Variants in USH2A observed in about 807,000 individuals in gnomAD.
USH2A encodes the protein Usher syndrome 2A (autosomal recessive, mild).
In USH2A, 443 loss-of-function variants were observed where a neutral mutation model predicts 538.9. The ratio of observed to expected loss-of-function variants is 0.82; its 90% confidence interval spans 0.76 to 0.89. The LOEUF (loss-of-function observed/expected upper bound fraction) is 0.89, where lower values mean the gene tolerates loss of function less well. Ranked by LOEUF, USH2A falls within the 40% of genes least tolerant of loss-of-function variation. The probability of loss-of-function intolerance (pLI) is 0.00; values close to 1 mark genes in which losing one functional copy is unlikely to be tolerated. For missense variants in USH2A, 6,633 were observed against 6,324.8 expected (o/e 1.05, Z -1.65); for synonymous variants, 2,413 against 2,273.5 (o/e 1.06, Z -1.75).
chr1:216,175,143 T>G, intron 21 of USH2A, 109 bp downstream of exon 21: 1 of 1,542,894 alleles, frequency 6.5e-7, no homozygotes, highest in Non-Finnish European at 8.8e-7. Context: ...GCTGAATTAG[T>G]ATTTCTCTAA....
intron 21 of USH2A, among the ~76,000 whole-genome samples, chr1:216,138,278 T>G (rs2033526345): frequency 6.6e-6 from 1 of 152,142 alleles, no homozygotes; most frequent in Non-Finnish European, 1.5e-5. Flanking sequence ...AATCAACACT[T>G]AGTATTGCTC....
At chr1:215,708,499 C>T (rs1372389434) in intron 61 of USH2A, among the ~76,000 whole-genome samples, 4 of 152,186 alleles carry the variant, frequency 2.6e-5, no homozygotes, top group African/African-American at 9.7e-5. Flanking sequence ...ACCTTTTGGG[C>T]ACCAGGGATC....
chr1:216,300,143 G>T (rs112276492), intron 9 of USH2A, among the ~76,000 whole-genome samples: 3 of 152,122 alleles, frequency 2.0e-5, no homozygotes, highest in Non-Finnish European at 1.5e-5. Flanking sequence ...ATTGGTAAGT[G>T]CATTATAAGT....
At chr1:215,966,447 C>A (rs1667350619) in intron 36 of USH2A, among the ~76,000 whole-genome samples, 1 of 152,082 alleles carries the variant, frequency 6.6e-6, no homozygotes, top group Admixed American at 6.6e-5. Flanking sequence ...TCTTGCCTCC[C>A]AAGGAGGTGA....
intron 60 of USH2A, among the ~76,000 whole-genome samples, chr1:215,738,501 T>C (rs1304985704): frequency 1.3e-5 from 2 of 152,120 alleles, no homozygotes; most frequent in Non-Finnish European, 2.9e-5. Flanking sequence ...CTATCTTTAA[T>C]AGGGCAGACG....
At chr1:216,272,422 C>A (rs1220498884) in intron 11 of USH2A, among the ~76,000 whole-genome samples, 1 of 152,098 alleles carries the variant, frequency 6.6e-6, no homozygotes, top group Non-Finnish European at 1.5e-5. Context: ...AAAGGACAAA[C>A]TATTGCGTTT....
chr1:216,249,257 A>G (rs1389186414), intron 12 of USH2A, among the ~76,000 whole-genome samples: 1 of 152,120 alleles, frequency 6.6e-6, no homozygotes, highest in African/African-American at 2.4e-5. Context: ...ATATATATTT[A>G]TGTTTCCTGC....
intron 21 of USH2A, among the ~76,000 whole-genome samples, chr1:216,127,051 G>A (rs915404084): frequency 6.6e-6 from 1 of 152,226 alleles, no homozygotes; most frequent in Non-Finnish European, 1.5e-5. Context: ...CTTAGCTATG[G>A]ATAGAGGTCT....
At chr1:215,889,959 G>A (rs1665167156) in intron 40 of USH2A, among the ~76,000 whole-genome samples, 1 of 152,116 alleles carries the variant, frequency 6.6e-6, no homozygotes, top group African/African-American at 2.4e-5. Context: ...AATTTGAAGG[G>A]CTGTTAAGTT....
rs138711714 is a variant in USH2A, at chr1:215,942,130, G to C, written c.7121-7335C>G. ...TCGCAAGCTCAGGTGGTTGTTGATAGTTTTCAATTTGTTGTAGGCTGTCGA... is the reference window on the plus strand; with the variant it reads ...TCGCAAGCTCAGGTGGTTGTTGATACTTTTCAATTTGTTGTAGGCTGTCGA... On this transcript the variant is annotated intron_variant, in intron 37 of 71. Transcript: ENST00000307340. Among the ~76,000 whole-genome samples, 256 of 152,192 alleles carry C rather than the reference G, an allele frequency of 1.7e-3. 1 individual carries two copies. Among genetic ancestry groups the C allele is most frequent in the African/African-American group, 6.0e-3 (251 of 41,538 alleles).
At position 215,671,048 on chromosome 1, in the gene USH2A, G is replaced by T. The variant is rs1351000186; in HGVS notation, c.14057C>A (p.Pro4686Gln). ...QIATQPRKSN[P>Q]VLIYNGSSTS... is the part of the protein sequence containing the mutation. ...TGAGCTTCCGTTATAGATTAGGACT[G>T]GATTGGATTTTCTAGGCTGAGTTGC... Residue 4686 changes from proline to glutamine, a missense_variant, in exon 64 of 72, where the codon CCA (proline) becomes CAA (glutamine). Coordinates refer to ENST00000307340, the MANE Select transcript of USH2A (RefSeq NM_206933.4). 6.2e-7 allele frequency: 1 copy of T among 1,614,142 alleles called. No homozygotes were observed. Among genetic ancestry groups the T allele is most frequent in the Non-Finnish European group, 8.5e-7 (1 of 1,180,010 alleles).
intron 62 of USH2A, among the ~76,000 whole-genome samples, chr1:215,676,467 C>T (rs766093510): frequency 2.0e-4 from 31 of 152,236 alleles, no homozygotes; most frequent in Middle Eastern, 6.8e-3. Context: ...ACACTCCTTT[C>T]GATGACTCCC....
In USH2A at chr1:216,207,444, G is replaced by A. The variant is rs779230818; in HGVS notation, c.3158-13C>T. On this transcript the variant is annotated splice_polypyrimidine_tract_variant and intron_variant, in intron 15 of 71. Transcript: ENST00000307340. Reference sequence around the variant, plus strand: ...TGCTGGAATGGAGCTAAATTACAATGAAGAGAGCATTTATTAGCAAAGCAA... The same window carrying A: ...TGCTGGAATGGAGCTAAATTACAATAAAGAGAGCATTTATTAGCAAAGCAA... 1.2e-6 allele frequency: 2 copies of A among 1,613,862 alleles called. No homozygotes were observed. The highest frequency in any genetic ancestry group is 1.7e-6 in the Non-Finnish European group (2 of 1,179,860).
At chr1:215,643,719 G>C (rs1201078276) in intron 67 of USH2A, among the ~76,000 whole-genome samples, 1 of 151,962 alleles carries the variant, frequency 6.6e-6, no homozygotes, top group African/African-American at 2.4e-5. Context: ...TGTAGAGATA[G>C]GTGTCTTGAT....
At chr1:216,240,960 T>C (rs527591283) in intron 13 of USH2A, among the ~76,000 whole-genome samples, 2 of 152,178 alleles carry the variant, frequency 1.3e-5, no homozygotes, top group Non-Finnish European at 2.9e-5. Flanking sequence ...CTGATAGATT[T>C]CTTGAACAGA....
intron 3 of USH2A, among the ~76,000 whole-genome samples, chr1:216,382,693 G>C (rs1021760750): frequency 2.0e-5 from 3 of 152,070 alleles, no homozygotes; most frequent in Admixed American, 2.0e-4. Context: ...TGTGTGCCGT[G>C]AAAAGTGCAT....
At chr1:215,920,050 G>A (rs1428548115) in intron 38 of USH2A, among the ~76,000 whole-genome samples, 3 of 150,786 alleles carry the variant, frequency 2.0e-5, no homozygotes, top group African/African-American at 7.3e-5. Flanking sequence ...GATATAAAAT[G>A]TCAGTTTAGA....
chr1:215,755,303 A>G (rs1660756841), intron 58 of USH2A, among the ~76,000 whole-genome samples: 1 of 152,140 alleles, frequency 6.6e-6, no homozygotes, highest in Admixed American at 6.6e-5. Context: ...CCCATTATTC[A>G]GCTCTGTCTG....
chr1:215,737,542 CTTTG>C (rs1455863552), intron 60 of USH2A, among the ~76,000 whole-genome samples: 1 of 151,678 alleles, frequency 6.6e-6, no homozygotes, highest in Non-Finnish European at 1.5e-5. Flanking sequence ...TTACTCTTTT[CTTTG>C]TTTATTTAGC....
Sources: allele counts gnomAD v4.1 joint callset (sites outside exome capture counted in the v4.1 genomes callset), GRCh38; gene constraint gnomAD v4.1.1; transcripts MANE v1.5; gene names NCBI Gene and HGNC (gene_info 2026-07-23, HGNC 2026-07-21).